MED12L: variants seen among roughly 807,000 people sequenced by gnomAD.
MED12L encodes the protein mediator of RNA polymerase II transcription subunit 12-like protein.
A neutral mutation model predicts 281.3 loss-of-function variants in MED12L; 60 were observed. The ratio of observed to expected loss-of-function variants is 0.21; its 90% CI spans 0.17 to 0.26. The LOEUF (loss-of-function observed/expected upper bound fraction) is 0.26. MED12L is among the 10% of genes least tolerant of loss of function. The probability of loss-of-function intolerance (pLI) is 1.00; values close to 1 mark genes in which losing one functional copy is unlikely to be tolerated. For synonymous variants in MED12L, 974 were observed against 987.2 expected (o/e 0.99, Z 0.25); for missense variants, 2,146 against 2,680.9 (o/e 0.80, Z 4.41).
intron 8 of MED12L, among the ~76,000 whole-genome samples, 179 bp downstream of exon 8, chr3:151,160,280 A>G (rs1719817928): frequency 1.3e-5 from 2 of 152,220 alleles, no homozygotes; most frequent in Non-Finnish European, 2.9e-5. Context: ...AGCTGAGAGA[A>G]GATTTGTCAC....
rs1749371792 is a variant in MED12L, at chr3:151,324,656, G to T, written c.2251-25403G>T. On this transcript the variant is annotated intron_variant, in intron 16 of 44. Transcript: ENST00000687756. ...GAAGATAATAAGCATTTCATAGCCT[G>T]CCTGGGATTATTAAAGGAGACAGAT... Among the ~76,000 whole-genome samples, 3 of 152,262 alleles carry T rather than the reference G, an allele frequency of 2.0e-5. No homozygotes were observed. The South Asian group carries it at 6.2e-4, about 32-fold the overall frequency.
chr3:151,421,074 G>T (rs186257629), intron 43 of MED12L, among the ~76,000 whole-genome samples: 1 of 152,276 alleles, frequency 6.6e-6, no homozygotes. Context: ...CCGTAGCCAG[G>T]TCATCCTTTA....
intron 41 of MED12L, among the ~76,000 whole-genome samples, chr3:151,412,313 C>G (rs528100565): frequency 6.6e-6 from 1 of 152,228 alleles, no homozygotes; most frequent in African/African-American, 2.4e-5. Flanking sequence ...GATCAGGGAG[C>G]CTTGTGTTTT....
intron 11 of MED12L, among the ~76,000 whole-genome samples, chr3:151,183,088 A>G (rs934035955): frequency 6.7e-6 from 1 of 149,780 alleles, no homozygotes; most frequent in Non-Finnish European, 1.5e-5. Flanking sequence ...CAGAAATCTG[A>G]TATTTTTCCT....
At chr3:151,218,332 C>T (rs1311815257) in intron 16 of MED12L, among the ~76,000 whole-genome samples, 3 of 152,110 alleles carry the variant, frequency 2.0e-5, no homozygotes, top group Non-Finnish European at 2.9e-5. Context: ...AAAAGATGAA[C>T]AGGACTTCTG....
intron 11 of MED12L, among the ~76,000 whole-genome samples, chr3:151,172,618 A>G (rs565312590): frequency 9.2e-5 from 14 of 152,366 alleles, no homozygotes; most frequent in African/African-American, 3.1e-4. Context: ...GGGTAGCTGC[A>G]GGACCATGTT....
At chr3:151,204,118 T>C (rs41526246) in intron 16 of MED12L, among the ~76,000 whole-genome samples, 6,573 of 152,226 alleles carry the variant, frequency 0.043, 428 homozygotes, top group African/African-American at 0.14. Flanking sequence ...TGGTTCAAAG[T>C]TGATGTGTTA....
At chr3:151,393,296 A>G (rs1714531940) in intron 38 of MED12L, among the ~76,000 whole-genome samples, 1 of 152,232 alleles carries the variant, frequency 6.6e-6, no homozygotes, top group African/African-American at 2.4e-5. Flanking sequence ...AAAAGGAGTA[A>G]GCAGTTTCAT....
intron 16 of MED12L, chr3:151,326,232 G>A (rs969445940): frequency 6.6e-5 from 10 of 152,548 alleles, no homozygotes; most frequent in Admixed American, 5.9e-4. Context: ...AGAAATTTAT[G>A]TTGTCTTTGG....
At chr3:151,241,492 T>G (rs974168128) in intron 16 of MED12L, among the ~76,000 whole-genome samples, 6 of 152,186 alleles carry the variant, frequency 3.9e-5, no homozygotes, top group African/African-American at 1.4e-4. Flanking sequence ...CAGTGAAGCA[T>G]CTTCCCCTAT....
chr3:151,249,393 G>A lies in MED12L; in HGVS notation c.2250+55727G>A, dbSNP rs571840792. Among the ~76,000 whole-genome samples the A allele has an allele frequency of 4.7e-3, 723 of 152,274 alleles. 8 individuals carry two copies. The highest frequency in any genetic ancestry group is 0.024 in the Middle Eastern group (7 of 294). The stretch of plus-strand genomic sequence containing the variant: ...AGTTGGAAAACCAAAAAATATTTGA[G>A]AGTAAAACATCTGCACGTTTCCTTC... On this transcript the variant is annotated intron_variant, in intron 16 of 44. Transcript: ENST00000687756.
At chr3:151,327,951 A>G in intron 16 of MED12L, 1 of 1,353,526 alleles carries the variant, frequency 7.4e-7, no homozygotes, top group Non-Finnish European at 1.0e-6. Context: ...TATCTACGGA[A>G]GTCTCATCAA....
intron 5 of MED12L, among the ~76,000 whole-genome samples, chr3:151,140,789 C>G (rs920472068): frequency 3.3e-5 from 5 of 152,130 alleles, no homozygotes; most frequent in Non-Finnish European, 7.3e-5. Flanking sequence ...AAGTCATTCT[C>G]CTGCCTCAGC....
At chr3:151,328,868 G>A in intron 16 of MED12L, 1 of 1,614,058 alleles carries the variant, frequency 6.2e-7, no homozygotes, top group Non-Finnish European at 8.5e-7. Flanking sequence ...CAGAGCCAAA[G>A]TATTCAGCAG....
chr3:151,208,122 C>A (rs1471126131), intron 16 of MED12L, among the ~76,000 whole-genome samples: 2 of 152,138 alleles, frequency 1.3e-5, no homozygotes, highest in Non-Finnish European at 2.9e-5. Flanking sequence ...GACCATTTTT[C>A]TTATTTTTTA....
At position 151,289,984 on chromosome 3, in the gene MED12L, G is replaced by A. The variant is rs1318384613; in HGVS notation, c.2251-60075G>A. On this transcript the variant is annotated intron_variant, in intron 16 of 44. Transcript: ENST00000687756. ...CAACCTCCGCCTCCCAGGTTCACCC[G>A]GGTTTGAGCAATTCTTCTGCTTCAA... Among the ~76,000 whole-genome samples, 8 of 151,856 alleles carry A rather than the reference G, an allele frequency of 5.3e-5. No individual in the cohort carries two copies. In the East Asian group the frequency reaches 7.7e-4, roughly 15 times the overall value.
At chr3:151,285,206 C>T (rs773252091) in intron 16 of MED12L, among the ~76,000 whole-genome samples, 2 of 152,054 alleles carry the variant, frequency 1.3e-5, no homozygotes, top group African/African-American at 4.8e-5. Context: ...GTGGACTGGC[C>T]GGACGTGGTG....
At chr3:151,427,080 G>A (rs957839285) in intron 43 of MED12L, among the ~76,000 whole-genome samples, 3 of 152,106 alleles carry the variant, frequency 2.0e-5, no homozygotes, top group African/African-American at 4.8e-5. Flanking sequence ...GGCCTCTCAG[G>A]AGTGCTGGGA....
intron 33 of MED12L, among the ~76,000 whole-genome samples, chr3:151,383,522 C>G (rs1712773841): frequency 6.6e-6 from 1 of 152,156 alleles, no homozygotes; most frequent in Admixed American, 6.5e-5. Flanking sequence ...CAAAAGAAAG[C>G]TAAGTTTATT....
Sources: allele counts gnomAD v4.1 joint callset (sites outside exome capture counted in the v4.1 genomes callset), GRCh38; gene constraint gnomAD v4.1.1; transcripts MANE v1.5; gene names NCBI Gene and HGNC (gene_info 2026-07-23, HGNC 2026-07-21).